The following TLN2 variants were observed in gnomAD, a reference collection of about 807,000 sequenced individuals.
The protein encoded by TLN2 is talin-2.
A neutral mutation model predicts 294.7 loss-of-function variants in TLN2; 118 were observed. The ratio of observed to expected loss-of-function variants is 0.40; its 90% CI spans 0.34 to 0.47. The LOEUF (loss-of-function observed/expected upper bound fraction) is 0.47. Ranked by LOEUF, TLN2 falls within the 20% of genes least tolerant of loss-of-function variation. The pLI is 0.84. For synonymous variants in TLN2, 1,431 were observed against 1,304.5 expected (o/e 1.10, Z -2.09); for missense variants, 3,083 against 3,282.2 (o/e 0.94, Z 1.48).
At chr15:62,736,079 G>A (rs980768444) in intron 28 of TLN2, among the ~76,000 whole-genome samples, 4 of 152,116 alleles carry the variant, frequency 2.6e-5, no homozygotes, top group Non-Finnish European at 4.4e-5. Flanking sequence ...TTGGGAGGCC[G>A]AGGTGGGCAG....
At chr15:62,459,000 A>ATT (rs572352519) in intron 1 of TLN2, among the ~76,000 whole-genome samples, 16 of 147,776 alleles carry the variant, frequency 1.1e-4, no homozygotes, top group African/African-American at 4.0e-4. Context: ...AGTAGACTCT[A>ATT]TTTTTTTTTT....
Position 62,523,088 on chromosome 15 carries a change from G to C in TLN2, c.-237-66599G>C, listed in dbSNP as rs892893378. Among the ~76,000 whole-genome samples the C allele has an allele frequency of 2.6e-5, 4 of 152,026 alleles. No individual in the cohort carries two copies. The East Asian group carries it at 7.7e-4, about 29-fold the overall frequency. On this transcript the variant is annotated intron_variant, in intron 1 of 58. Coordinates refer to ENST00000636159, the MANE Select transcript of TLN2 (RefSeq NM_015059.3). Reference sequence around the variant, plus strand: ...TATCTATAGTTTAGATACAACTCTTGCCTGCCTTAAATATGCTTAAATATG... The same window carrying C: ...TATCTATAGTTTAGATACAACTCTTCCCTGCCTTAAATATGCTTAAATATG...
chr15:62,716,250 T>C (rs1034075507), intron 22 of TLN2, 81 bp from the exon 23 acceptor site: 61 of 1,355,404 alleles, frequency 4.5e-5, no homozygotes, highest in Non-Finnish European at 5.7e-5. Flanking sequence ...TTTCTATTAC[T>C]AAGAAAAAAT....
Position 62,579,455 on chromosome 15 carries a change from C to T in TLN2, c.-237-10232C>T, listed in dbSNP as rs143092562. Among the ~76,000 whole-genome samples, 350 of 152,290 alleles carry T rather than the reference C, an allele frequency of 2.3e-3. 3 individuals are homozygous for T. The highest frequency in any genetic ancestry group is 0.021 in the Admixed American group (323 of 15,298). Reference sequence around the variant, plus strand: ...GAGTATCTAATTCGGTCTTGATTAGCAGAATCCTCTCAAATGACCTCGTGT... The same window carrying T: ...GAGTATCTAATTCGGTCTTGATTAGTAGAATCCTCTCAAATGACCTCGTGT... On this transcript the variant is annotated intron_variant, in intron 1 of 58. Coordinates refer to ENST00000636159, the MANE Select transcript of TLN2 (RefSeq NM_015059.3).
intron 22 of TLN2, among the ~76,000 whole-genome samples, chr15:62,713,761 C>T (rs1158085225): frequency 2.0e-5 from 3 of 152,048 alleles, no homozygotes; most frequent in Non-Finnish European, 4.4e-5. Flanking sequence ...ACTTGAGGGA[C>T]TGAGAGTTCT....
At chr15:62,740,047 G>GTT (rs566155596) in intron 31 of TLN2, among the ~76,000 whole-genome samples, 184 of 136,204 alleles carry the variant, frequency 1.4e-3, no homozygotes, top group Middle Eastern at 3.8e-3. Context: ...TGTGTTTTTT[G>GTT]TTTTTTTTTT....
At chr15:62,697,350 C>G (rs1289726097) in intron 14 of TLN2, among the ~76,000 whole-genome samples, 4 of 152,166 alleles carry the variant, frequency 2.6e-5, no homozygotes, top group African/African-American at 9.7e-5. Flanking sequence ...TTCAAGGAAT[C>G]CTTCCCATTT....
intron 7 of TLN2, among the ~76,000 whole-genome samples, chr15:62,654,220 C>G (rs547541821): frequency 1.2e-3 from 189 of 152,246 alleles, no homozygotes; most frequent in African/African-American, 4.5e-3. Context: ...TTCATACAGT[C>G]TGGATTTTCT....
At chr15:62,472,974 T>G (rs993009989) in intron 1 of TLN2, among the ~76,000 whole-genome samples, 1 of 152,268 alleles carries the variant, frequency 6.6e-6, no homozygotes, top group African/African-American at 2.4e-5. Flanking sequence ...TTCTTAGCTG[T>G]CAAAGGTGCC....
chr15:62,537,425 A>G (rs949815010), intron 1 of TLN2, among the ~76,000 whole-genome samples: 16 of 152,216 alleles, frequency 1.1e-4, no homozygotes, highest in African/African-American at 3.6e-4. Flanking sequence ...TCTAATCTTC[A>G]GTAGTACTTA....
At chr15:62,509,779 G>C (rs1321561755) in intron 1 of TLN2, among the ~76,000 whole-genome samples, 1 of 152,124 alleles carries the variant, frequency 6.6e-6, no homozygotes, top group Non-Finnish European at 1.5e-5. Flanking sequence ...TGTTGGGCTT[G>C]CCTGAGCCAC....
In TLN2 at chr15:62,800,833, C is replaced by T. The variant is rs2065885090; in HGVS notation, c.6477+64C>T. On this transcript the variant is annotated intron_variant, in intron 50 of 58. Transcript: ENST00000636159. Reference sequence around the variant, plus strand: ...CCCACAGCTGACCCCAGTGAGGGCTCATTTGAGGTTTTTTACCAATGAGGT... The same window carrying T: ...CCCACAGCTGACCCCAGTGAGGGCTTATTTGAGGTTTTTTACCAATGAGGT... 5.0e-6 allele frequency: 7 copies of T among 1,391,722 alleles called. No individual in the cohort carries two copies. The South Asian group carries it at 9.0e-5, about 18-fold the overall frequency. The allele number at this position is 1,391,722 out of a possible 1,614,324, so 86.2% of individuals were successfully genotyped here.
intron 1 of TLN2, among the ~76,000 whole-genome samples, chr15:62,445,869 G>T (rs1422432463): frequency 2.6e-5 from 4 of 152,160 alleles, no homozygotes; most frequent in African/African-American, 9.6e-5. Flanking sequence ...TCACTGTGTT[G>T]CCTAGGCTGA....
At chr15:62,629,209 A>G (rs1462227420) in intron 3 of TLN2, among the ~76,000 whole-genome samples, 1 of 152,184 alleles carries the variant, frequency 6.6e-6, no homozygotes, top group Non-Finnish European at 1.5e-5. Flanking sequence ...AAAAAATAAA[A>G]AAGGAAATTT....
intron 1 of TLN2, among the ~76,000 whole-genome samples, chr15:62,552,853 C>T (rs867947440): frequency 6.6e-6 from 1 of 152,098 alleles, no homozygotes; most frequent in Admixed American, 6.5e-5. Flanking sequence ...TTGTATTTCC[C>T]CTAGGAGCAG....
intron 12 of TLN2, among the ~76,000 whole-genome samples, chr15:62,691,274 T>C (rs1446568135): frequency 6.6e-6 from 1 of 152,182 alleles, no homozygotes; most frequent in Non-Finnish European, 1.5e-5. Context: ...TGAAGCTCTG[T>C]TTTTTAGTTT....
intron 1 of TLN2, among the ~76,000 whole-genome samples, chr15:62,549,500 C>CCATCCATG (rs1191569252): frequency 1.3e-5 from 2 of 151,294 alleles, no homozygotes; most frequent in African/African-American, 2.5e-5. Flanking sequence ...ATCCATCCAT[C>CCATCCATG]CATCCATCCA....
chr15:62,840,708 C>T lies in TLN2; in HGVS notation c.*98C>T. On this transcript the variant is annotated 3_prime_UTR_variant, in exon 59 of 59. Coordinates refer to ENST00000636159, the MANE Select transcript of TLN2 (RefSeq NM_015059.3). ...TGGGCACTTAGCTGGAAACCGCCCA[C>T]CTCCCTCCCGGGTGAGCCTGGAGCC... 8 of 1,496,064 alleles carry T rather than the reference C, an allele frequency of 5.3e-6. No individual in the cohort carries two copies. The South Asian group carries it at 6.8e-5, about 13-fold the overall frequency. The allele number at this position is 1,496,064 out of a possible 1,614,324, so 92.7% of individuals were successfully genotyped here. A position where few individuals can be genotyped will look rare whatever the true frequency, so the allele number is the denominator to read the frequency against.
intron 1 of TLN2, among the ~76,000 whole-genome samples, 169 bp downstream of exon 1, chr15:62,390,854 C>G (rs900145441): frequency 1.3e-5 from 2 of 152,150 alleles, no homozygotes; most frequent in African/African-American, 4.8e-5. Context: ...GTAAAGCTCC[C>G]AGATTTGATG....
Sources: allele counts gnomAD v4.1 joint callset (sites outside exome capture counted in the v4.1 genomes callset), GRCh38; gene constraint gnomAD v4.1.1; transcripts MANE v1.5; gene names NCBI Gene and HGNC (gene_info 2026-07-23, HGNC 2026-07-21).